Variants in LRRC47 observed in about 807,000 individuals in gnomAD.
The protein encoded by LRRC47 is leucine rich repeat containing 47, also known as leucine-rich repeat-containing protein 47.
A neutral mutation model predicts 40.9 loss-of-function variants in LRRC47; 31 were observed. The observed-to-expected ratio is 0.76, with a 90% CI of 0.57 to 1.02. The LOEUF (loss-of-function observed/expected upper bound fraction) is 1.02. Among genes scored for constraint, LRRC47 ranks in the 50% least tolerant of loss-of-function variants. The probability of loss-of-function intolerance (pLI) is 0.00; values close to 1 mark genes in which losing one functional copy is unlikely to be tolerated. For synonymous variants in LRRC47, 427 were observed against 371.9 expected (o/e 1.15, Z -1.70); for missense variants, 726 against 796.1 (o/e 0.91, Z 1.06).
At chr1:3,790,708 G>C (rs578199558) in intron 1 of LRRC47, among the ~76,000 whole-genome samples, 85 of 152,360 alleles carry the variant, frequency 5.6e-4, no homozygotes, top group Middle Eastern at 3.4e-3. Flanking sequence ...TGAGGCCATA[G>C]GACAGCAGAG....
In LRRC47 at chr1:3,784,212, C is replaced by T. The variant is rs888736246; in HGVS notation, c.1195-101G>A. The T allele has an allele frequency of 1.8e-5, 17 of 930,086 alleles. No individual in the cohort carries two copies. In the East Asian group the frequency reaches 2.1e-4, roughly 12 times the overall value. 57.6% of individuals were successfully genotyped at this position (930,086 alleles called of 1,614,324 possible). A position where few individuals can be genotyped will look rare whatever the true frequency, so the allele number is the denominator to read the frequency against. On this transcript the variant is annotated intron_variant, in intron 3 of 6. Transcript: ENST00000378251. ...AGCCTCAATGAGCCCTCCCGACTCC[C>T]GCCCTCATTCATCTCTACAGCAGGC...
At chr1:3,790,314 T>G (rs1313201497) in intron 1 of LRRC47, among the ~76,000 whole-genome samples, 1 of 152,214 alleles carries the variant, frequency 6.6e-6, no homozygotes, top group Non-Finnish European at 1.5e-5. Flanking sequence ...GGAGAGCCTT[T>G]GGCTTCAGGA....
chr1:3,796,197 C>T lies in LRRC47; in HGVS notation c.280G>A (p.Glu94Lys). 1 of 1,435,164 alleles carries T rather than the reference C, an allele frequency of 7.0e-7. No individual in the cohort carries two copies. The highest frequency in any genetic ancestry group is 3.1e-5 in the East Asian group (1 of 32,384). The allele number at this position is 1,435,164 out of a possible 1,614,324, so 88.9% of individuals were successfully genotyped here. A position where few individuals can be genotyped will look rare whatever the true frequency, so the allele number is the denominator to read the frequency against. ...RNALGPGLSP[E>K]LGPLPALRVL... ...CGAAGGGCAGGCAGCGGCCCGAGCT[C>T]GGGGCTCAGGCCGGGCCCCAGCGCG... The change falls in exon 1 of 7, where the codon GAG becomes AAG. Residue 94 changes from glutamate to lysine, a missense_variant. By Grantham distance (56) the Glu-to-Lys change is moderately conservative. Transcript: ENST00000378251.
chr1:3,782,872 G>T, intron 4 of LRRC47, 109 bp from the exon 5 acceptor site: 1 of 725,654 alleles, frequency 1.4e-6, no homozygotes, highest in Non-Finnish European at 2.5e-6. Flanking sequence ...AGACAGGAGG[G>T]CTGCATGGGC....
At chr1:3,784,890 G>A (rs904659819) in intron 3 of LRRC47, 197 bp downstream of exon 3, 2 of 336,184 alleles carry the variant, frequency 5.9e-6, no homozygotes, top group South Asian at 3.4e-5. Flanking sequence ...AGCTATTCGG[G>A]AGGCTGAAGC....
chr1:3,796,126 G>A lies in LRRC47; in HGVS notation c.351C>T (p.Gly117=). The A allele has an allele frequency of 2.1e-6, 3 of 1,434,718 alleles. 1 individual carries two copies. The highest frequency in any genetic ancestry group is 4.6e-4 in the Middle Eastern group (2 of 4,366). 88.9% of individuals were successfully genotyped at this position (1,434,718 alleles called of 1,614,324 possible). The change falls in exon 1 of 7, where the codon GGC becomes GGT. Residue 117 remains glycine (G), a synonymous_variant. Coordinates refer to ENST00000378251, the MANE Select transcript of LRRC47 (RefSeq NM_020710.3). ...GCGGCTCGGCGGGGCCCAGGCCTTG[G>A]CCCGGCGGCAGCGCCTCCAGCGCGT... ...SGNALEALPP[G]QGLGPAEPPG... is the part of the protein sequence containing the mutation.
intron 4 of LRRC47, 72 bp downstream of exon 4, chr1:3,783,924 G>T: frequency 7.7e-7 from 1 of 1,300,946 alleles, no homozygotes; most frequent in Non-Finnish European, 1.1e-6. Flanking sequence ...GAGGAGCACA[G>T]ACTAACTCAG....
At position 3,785,119 on chromosome 1, in the gene LRRC47, G is replaced by C. The variant is rs1484723221; in HGVS notation, c.1162C>G (p.Leu388Val). ...TCCTGTGGGGGCCGGGCGCAGTACA[G>C]CAGGGGCCCTTTGACGGCACGGAGC... is the stretch of plus-strand genomic sequence containing the variant. ...HELRAVKGPL[L>V]YCARPPQDLK... Residue 388 changes from leucine (L) to valine (V), a missense_variant, in exon 3 of 7, where the codon CTG (leucine) becomes GTG (valine). By Grantham distance (32) the Leu-to-Val change is conservative. Coordinates refer to ENST00000378251, the MANE Select transcript of LRRC47 (RefSeq NM_020710.3). 6.2e-7 allele frequency: 1 copy of C among 1,601,748 alleles called. No homozygotes were observed. Among genetic ancestry groups the C allele is most frequent in the Non-Finnish European group, 8.5e-7 (1 of 1,174,448 alleles).
Position 3,796,240 on chromosome 1 carries a change from G to A in LRRC47, c.237C>T (p.Ser79=), listed in dbSNP as rs1441612199. 35 of 1,449,142 alleles carry A rather than the reference G, an allele frequency of 2.4e-5. No homozygotes were observed. The highest frequency in any genetic ancestry group is 2.8e-5 in the Admixed American group (1 of 36,024). 89.8% of individuals were successfully genotyped at this position (1,449,142 alleles called of 1,614,324 possible). A position where few individuals can be genotyped will look rare whatever the true frequency, so the allele number is the denominator to read the frequency against. ...GLAQGLPQLH[S]LVLRRNALGP... ...CCAGCGCGTTGCGCCGCAGCACGAG[G>A]CTGTGCAGCTGCGGCAGGCCCTGCG... Residue 79 remains serine, a synonymous_variant, in exon 1 of 7, where the codon AGC becomes AGT. Coordinates refer to ENST00000378251, the MANE Select transcript of LRRC47 (RefSeq NM_020710.3).
At chr1:3,781,711 G>A in intron 5 of LRRC47, 110 bp from the exon 6 acceptor site, 2 of 846,326 alleles carry the variant, frequency 2.4e-6, no homozygotes, top group Non-Finnish European at 3.8e-6. Context: ...CAGGCACAGT[G>A]GCTCACACCT....
intron 2 of LRRC47, among the ~76,000 whole-genome samples, chr1:3,785,849 A>G (rs1643567237): frequency 6.6e-6 from 1 of 152,024 alleles, no homozygotes; most frequent in African/African-American, 2.4e-5. Context: ...AAAATATCAA[A>G]AAATCAAGGA....
Position 3,796,434 on chromosome 1 carries a change from G to C in LRRC47, c.43C>G (p.Leu15Val). ...TCCCGCCGCCGCTCGCGCTCAGCCA[G>C]CTCCAGCTCCGGCCAAGACTCTGAC... The part of the protein sequence containing the change: ...AVSESWPELE[L>V]AERERRRELL... The change falls in exon 1 of 7, where the codon CTG (leucine) becomes GTG (valine). Residue 15 changes from leucine (L) to valine (V), a missense_variant. Transcript: ENST00000378251. The C allele has an allele frequency of 6.6e-7, 1 of 1,521,558 alleles. No homozygotes were observed. The allele number at this position is 1,521,558 out of a possible 1,614,324, so 94.3% of individuals were successfully genotyped here. A position where few individuals can be genotyped will look rare whatever the true frequency, so the allele number is the denominator to read the frequency against.
intron 1 of LRRC47, among the ~76,000 whole-genome samples, chr1:3,795,053 C>CAAAAAAAAAA (rs35186516): frequency 4.9e-5 from 3 of 61,638 alleles, no homozygotes; most frequent in Non-Finnish European, 6.4e-5. Flanking sequence ...GACTACATCT[C>CAAAAAAAAAA]AAAAAAAAAA....
chr1:3,783,453 A>G (rs532842108), intron 4 of LRRC47, among the ~76,000 whole-genome samples: 1 of 152,118 alleles, frequency 6.6e-6, no homozygotes, highest in African/African-American at 2.4e-5. Context: ...ACCTGAAAAC[A>G]TACCTAAAGG....
rs3207183 is a variant in LRRC47 at position 3,780,901 on chromosome 1, A to C, written c.*187T>G. On this transcript the variant is annotated 3_prime_UTR_variant, in exon 7 of 7. Coordinates refer to ENST00000378251, the MANE Select transcript of LRRC47 (RefSeq NM_020710.3). Reference sequence around the variant, plus strand: ...TGAGGCAGGAGAATCGCTTGAACCCAGGAGACACAGGCTGCAGTGACTCGA... The same window carrying C: ...TGAGGCAGGAGAATCGCTTGAACCCCGGAGACACAGGCTGCAGTGACTCGA... The C allele has an allele frequency of 2.5e-6, 2 of 815,744 alleles. No individual in the cohort carries two copies. The highest frequency in any genetic ancestry group is 5.8e-5 in the Admixed American group (2 of 34,218). 50.5% of individuals were successfully genotyped at this position (815,744 alleles called of 1,614,324 possible).
intron 3 of LRRC47, among the ~76,000 whole-genome samples, chr1:3,784,434 G>A (rs886248310): frequency 6.6e-6 from 1 of 152,192 alleles, no homozygotes; most frequent in African/African-American, 2.4e-5. Flanking sequence ...GAGCAGCCGG[G>A]ACCTCGTGCA....
intron 3 of LRRC47, 131 bp from the exon 4 acceptor site, chr1:3,784,242 A>T (rs2124610143): frequency 2.7e-6 from 2 of 752,934 alleles, no homozygotes; most frequent in East Asian, 5.5e-5. Context: ...GCAGGCAGGG[A>T]GCATCCCACG....
chr1:3,795,808 C>T, intron 1 of LRRC47, 54 bp downstream of exon 1: 1 of 1,475,342 alleles, frequency 6.8e-7, no homozygotes, highest in Non-Finnish European at 8.9e-7. Context: ...GGGGTTCCTT[C>T]TCCAGGGCTA....
At chr1:3,781,371 G>C in intron 6 of LRRC47, 35 bp from the exon 7 acceptor site, 1 of 1,603,166 alleles carries the variant, frequency 6.2e-7, no homozygotes, top group Non-Finnish European at 8.5e-7. Context: ...ACCTGGAGAT[G>C]AGAGGTGACC....
Sources: allele counts gnomAD v4.1 joint callset (sites outside exome capture counted in the v4.1 genomes callset), GRCh38; gene constraint gnomAD v4.1.1; transcripts MANE v1.5; gene names NCBI Gene and HGNC (gene_info 2026-07-23, HGNC 2026-07-21).